Variants in LAPTM4B observed in about 807,000 individuals in gnomAD.
LAPTM4B encodes the protein lysosomal protein transmembrane 4 beta, also known as lysosomal-associated transmembrane protein 4B.
In LAPTM4B, 26 loss-of-function variants were observed where a neutral mutation model predicts 28.5. That is an observed-to-expected ratio of 0.91 (90% confidence interval 0.67 to 1.27). LAPTM4B has a LOEUF of 1.27. Among genes scored for constraint, LAPTM4B ranks in the 50% most tolerant of loss-of-function variants. The pLI, the probability that LAPTM4B is intolerant of heterozygous loss-of-function variation, is 0.00. For missense variants in LAPTM4B, 288 were observed against 285.8 expected (o/e 1.01, Z -0.06); for synonymous variants, 109 against 106.4 (o/e 1.02, Z -0.15).
intron 6 of LAPTM4B, among the ~76,000 whole-genome samples, chr8:97,839,582 C>T (rs751354342): frequency 2.0e-4 from 31 of 152,130 alleles, no homozygotes; most frequent in Non-Finnish European, 3.7e-4. Context: ...GAGCAACATT[C>T]GAGAAGACTA....
chr8:97,849,958 G>A (rs1359345010), intron 6 of LAPTM4B, among the ~76,000 whole-genome samples: 3 of 151,642 alleles, frequency 2.0e-5, no homozygotes, highest in Middle Eastern at 3.4e-3. Context: ...TCCCGGGAAC[G>A]GCTTCCCGCA....
At chr8:97,839,697 T>C (rs1352884676) in intron 6 of LAPTM4B, among the ~76,000 whole-genome samples, 1 of 152,216 alleles carries the variant, frequency 6.6e-6, no homozygotes. Flanking sequence ...GTTTGAAACC[T>C]AAAGTTCTTA....
At chr8:97,844,700 C>T (rs769560926) in intron 6 of LAPTM4B, among the ~76,000 whole-genome samples, 1 of 148,974 alleles carries the variant, frequency 6.7e-6, no homozygotes, top group Non-Finnish European at 1.5e-5. Context: ...GCCCTACTTC[C>T]TTGTGTTGAA....
chr8:97,786,285 G>C (rs184933823), intron 1 of LAPTM4B, among the ~76,000 whole-genome samples: 18 of 152,126 alleles, frequency 1.2e-4, no homozygotes, highest in Admixed American at 1.1e-3. Flanking sequence ...TAAGAGTTTC[G>C]AGTTGCCTCT....
chr8:97,847,033 T>C (rs1817444408), intron 6 of LAPTM4B, among the ~76,000 whole-genome samples: 1 of 152,210 alleles, frequency 6.6e-6, no homozygotes, highest in Non-Finnish European at 1.5e-5. Flanking sequence ...TTTGTTAAGT[T>C]GAATTGAAAT....
chr8:97,814,621 G>A (rs1427782105), intron 2 of LAPTM4B, among the ~76,000 whole-genome samples: 2 of 152,176 alleles, frequency 1.3e-5, no homozygotes, highest in Admixed American at 6.5e-5. Context: ...AAGGTGAGGC[G>A]AGATTAGAGA....
At chr8:97,795,975 T>G (rs1198017494) in intron 1 of LAPTM4B, among the ~76,000 whole-genome samples, 1 of 152,230 alleles carries the variant, frequency 6.6e-6, no homozygotes, top group Non-Finnish European at 1.5e-5. Context: ...CACTCACCTT[T>G]GTTGCCCAGG....
intron 1 of LAPTM4B, among the ~76,000 whole-genome samples, chr8:97,793,887 G>A (rs1014058087): frequency 5.3e-5 from 8 of 152,182 alleles, no homozygotes; most frequent in Non-Finnish European, 1.2e-4. Context: ...GCTCACTGCA[G>A]CCTTGAACTC....
At chr8:97,784,069 A>G (rs1816365918) in intron 1 of LAPTM4B, among the ~76,000 whole-genome samples, 1 of 152,178 alleles carries the variant, frequency 6.6e-6, no homozygotes, top group Admixed American at 6.5e-5. Context: ...AGTACAGGAT[A>G]GTAAGACCAA....
At chr8:97,782,279 C>CTTT (rs34322160) in intron 1 of LAPTM4B, among the ~76,000 whole-genome samples, 1,085 of 50,252 alleles carry the variant, frequency 0.022, 281 homozygotes, top group Non-Finnish European at 0.025. Context: ...CCATGCCCAG[C>CTTT]TTTTTTTTTT....
At chr8:97,845,451 G>A (rs953701377) in intron 6 of LAPTM4B, among the ~76,000 whole-genome samples, 11 of 151,360 alleles carry the variant, frequency 7.3e-5, no homozygotes, top group Non-Finnish European at 1.3e-4. Flanking sequence ...CCAAAGGTTT[G>A]ATTCTATAAG....
rs1423018254 is a variant in LAPTM4B, at chr8:97,782,946, ATTTT to A, written c.99+6841_99+6844del. Among the ~76,000 whole-genome samples, 88 of 141,938 alleles carry A rather than the reference ATTTT, an allele frequency of 6.2e-4. 1 individual carries two copies. The highest frequency in any genetic ancestry group is 2.2e-3 in the African/African-American group (83 of 37,382). The allele number at this position is 141,938 out of a possible 152,430, so 93.1% of individuals were successfully genotyped here. A position where few individuals can be genotyped will look rare whatever the true frequency, so the allele number is the denominator to read the frequency against. The stretch of plus-strand genomic sequence containing the variant: ...TATTTATTTATTTATTTATTTATTT[ATTTT>A]TTAGTAGAGACGGGGTTTCTCCATG... On this transcript the variant is annotated intron_variant, in intron 1 of 6. Coordinates refer to ENST00000521545, the MANE Select transcript of LAPTM4B (RefSeq NM_018407.6).
Position 97,783,064 on chromosome 8 carries a change from C to T in LAPTM4B, c.99+6956C>T, listed in dbSNP as rs1285387867. On this transcript the variant is annotated intron_variant, in intron 1 of 6. Coordinates refer to ENST00000521545, the MANE Select transcript of LAPTM4B (RefSeq NM_018407.6). ...TTGGGATTACAAGTGTGAGCCACCG[C>T]GCCCGGCCTTTTTTTTTTTTTTTTT... is the stretch of plus-strand genomic sequence containing the variant. Among the ~76,000 whole-genome samples, 8 of 135,074 alleles carry T rather than the reference C, an allele frequency of 5.9e-5. No homozygotes were observed. The East Asian group carries it at 8.4e-4, about 14-fold the overall frequency. The allele number at this position is 135,074 out of a possible 152,430, so 88.6% of individuals were successfully genotyped here. A position where few individuals can be genotyped will look rare whatever the true frequency, so the allele number is the denominator to read the frequency against.
chr8:97,788,579 A>C (rs1292173765), intron 1 of LAPTM4B, among the ~76,000 whole-genome samples: 3 of 152,084 alleles, frequency 2.0e-5, no homozygotes, highest in Non-Finnish European at 4.4e-5. Context: ...CCCAAAGTAC[A>C]CAGCCCATCA....
chr8:97,817,426 C>G (rs1454833124), intron 4 of LAPTM4B, among the ~76,000 whole-genome samples: 1 of 146,362 alleles, frequency 6.8e-6, no homozygotes, highest in Non-Finnish European at 1.5e-5. Flanking sequence ...ATGTGACTCA[C>G]TGTACCAGGC....
chr8:97,776,700 G>T (rs541965543), intron 1 of LAPTM4B, among the ~76,000 whole-genome samples: 2 of 141,120 alleles, frequency 1.4e-5, no homozygotes, highest in African/African-American at 5.7e-5. Context: ...TCCCCCCCCC[G>T]ATGTTTTAAA....
At position 97,849,614 on chromosome 8, in the gene LAPTM4B, G is replaced by A. The variant is rs564300981; in HGVS notation, c.604-1783G>A. 2.0e-3 allele frequency among the ~76,000 whole-genome samples: 308 copies of A among 152,344 alleles called. 1 individual carries two copies. Among genetic ancestry groups the A allele is most frequent in the African/African-American group, 7.2e-3 (301 of 41,588 alleles). ...TTTCAGGAACAAAGGCCGGCTGGCGGGTGCGACTCTGGCGCATTGCCTTTG... is the reference window on the plus strand; with the variant it reads ...TTTCAGGAACAAAGGCCGGCTGGCGAGTGCGACTCTGGCGCATTGCCTTTG... On this transcript the variant is annotated intron_variant, in intron 6 of 6. Transcript: ENST00000521545.
chr8:97,816,202 C>T, intron 4 of LAPTM4B, 22 bp downstream of exon 4: 3 of 1,582,016 alleles, frequency 1.9e-6, no homozygotes, highest in South Asian at 2.3e-5. Context: ...TCTTACTGCT[C>T]CTTTTCATTA....
chr8:97,843,606 T>C (rs1221455528), intron 6 of LAPTM4B, among the ~76,000 whole-genome samples: 2 of 151,832 alleles, frequency 1.3e-5, no homozygotes. Context: ...ACGGTGAAAC[T>C]CTGTCTCTAC....
Sources: allele counts gnomAD v4.1 joint callset (sites outside exome capture counted in the v4.1 genomes callset), GRCh38; gene constraint gnomAD v4.1.1; transcripts MANE v1.5; gene names NCBI Gene and HGNC (gene_info 2026-07-23, HGNC 2026-07-21).